The following KIAA0825 variants were observed in gnomAD, a reference collection of about 807,000 sequenced individuals.
KIAA0825 encodes the protein KIAA0825, also known as uncharacterized protein KIAA0825.
In KIAA0825, 119 loss-of-function variants were observed where a neutral mutation model predicts 147.6. The observed-to-expected ratio is 0.81, with a 90% confidence interval of 0.69 to 0.94. KIAA0825 has a LOEUF of 0.94. Ranked by LOEUF, KIAA0825 falls within the 40% of genes least tolerant of loss-of-function variation. The probability of loss-of-function intolerance (pLI) is 0.00; values close to 1 mark genes in which losing one functional copy is unlikely to be tolerated. For synonymous variants in KIAA0825, 470 were observed against 518.1 expected (o/e 0.91, Z 1.26); for missense variants, 1,381 against 1,472.7 (o/e 0.94, Z 1.02).
chr5:94,364,790 G>C (rs1339041216), intron 20 of KIAA0825, among the ~76,000 whole-genome samples: 1 of 152,078 alleles, frequency 6.6e-6, no homozygotes, highest in African/African-American at 2.4e-5. Context: ...CCTCGGTAAG[G>C]TTTTCCTTTT....
chr5:94,590,620 A>C (rs1784178919), intron 1 of KIAA0825, among the ~76,000 whole-genome samples: 1 of 152,214 alleles, frequency 6.6e-6, no homozygotes, highest in Admixed American at 6.5e-5. Flanking sequence ...TTTCTTGTAA[A>C]ATCAATACAT....
chr5:94,562,059 G>A (rs2152293876), intron 2 of KIAA0825, among the ~76,000 whole-genome samples: 1 of 152,118 alleles, frequency 6.6e-6, no homozygotes, highest in South Asian at 2.1e-4. Flanking sequence ...ATTTAAATGT[G>A]ATACCTTAAA....
chr5:94,343,068 A>G (rs1483854716), intron 20 of KIAA0825, among the ~76,000 whole-genome samples: 2 of 152,192 alleles, frequency 1.3e-5, no homozygotes, highest in Non-Finnish European at 2.9e-5. Context: ...GCAGAAAACA[A>G]GAGAACAGTA....
chr5:94,486,265 C>T lies in KIAA0825; in HGVS notation c.971-1335G>A, dbSNP rs182867942. On this transcript the variant is annotated intron_variant, in intron 5 of 20. Coordinates refer to ENST00000682413, the MANE Select transcript of KIAA0825 (RefSeq NM_001145678.3). ...ACAAAATGCCTTTGGAGACAAAATA[C>T]AAGTGCTATTCAAAAACTGTATAGG... is the stretch of plus-strand genomic sequence containing the variant. 1.3e-3 allele frequency among the ~76,000 whole-genome samples: 194 copies of T among 152,050 alleles called. 9 individuals carry two copies. In the East Asian group the frequency reaches 0.025, roughly 19 times the overall value.
At chr5:94,345,941 C>T (rs868770448) in intron 20 of KIAA0825, among the ~76,000 whole-genome samples, 9 of 151,982 alleles carry the variant, frequency 5.9e-5, no homozygotes, top group East Asian at 3.9e-4. Flanking sequence ...CTGCATGCAC[C>T]GGTAATTAGA....
At chr5:94,260,996 A>G (rs957776959) in intron 20 of KIAA0825, among the ~76,000 whole-genome samples, 5 of 152,140 alleles carry the variant, frequency 3.3e-5, no homozygotes, top group African/African-American at 1.2e-4. Flanking sequence ...TGATAACAGC[A>G]AAATTCAGTT....
At chr5:94,352,679 T>C (rs1350934145) in intron 20 of KIAA0825, among the ~76,000 whole-genome samples, 1 of 152,158 alleles carries the variant, frequency 6.6e-6, no homozygotes, top group Non-Finnish European at 1.5e-5. Context: ...CAAATGCCCA[T>C]CAATCAATGA....
intron 13 of KIAA0825, among the ~76,000 whole-genome samples, chr5:94,446,666 G>A (rs1345829435): frequency 2.0e-5 from 3 of 152,178 alleles, no homozygotes; most frequent in East Asian, 1.9e-4. Flanking sequence ...GTGGGTAAGA[G>A]TTACATCTCT....
intron 1 of KIAA0825, among the ~76,000 whole-genome samples, chr5:94,596,577 A>G (rs567593018): frequency 6.6e-6 from 1 of 152,330 alleles, no homozygotes; most frequent in Non-Finnish European, 1.5e-5. Context: ...TTTGTTCCAT[A>G]GGAATTTTAA....
intron 20 of KIAA0825, among the ~76,000 whole-genome samples, chr5:94,287,375 T>A (rs1387173063): frequency 3.9e-5 from 6 of 152,196 alleles, no homozygotes; most frequent in Admixed American, 2.6e-4. Context: ...GCAAGCATCA[T>A]TTCCTGAATC....
At chr5:94,556,961 T>A (rs1295124730) in intron 2 of KIAA0825, among the ~76,000 whole-genome samples, 1 of 152,198 alleles carries the variant, frequency 6.6e-6, no homozygotes, top group Non-Finnish European at 1.5e-5. Context: ...TACTCCTTCC[T>A]TGAAATTGTC....
chr5:94,199,682 T>C (rs1771479008), intron 20 of KIAA0825, among the ~76,000 whole-genome samples: 1 of 151,922 alleles, frequency 6.6e-6, no homozygotes, highest in African/African-American at 2.4e-5. Flanking sequence ...TGCATACCAG[T>C]GTGGCAGCAC....
intron 5 of KIAA0825, 86 bp downstream of exon 5, chr5:94,520,162 A>T (rs1315696623): frequency 2.9e-6 from 4 of 1,376,260 alleles, no homozygotes; most frequent in African/African-American, 1.5e-5. Context: ...TTGCAGTGAG[A>T]TTTAACCAAA....
chr5:94,197,241 A>G (rs1771218779), intron 20 of KIAA0825, among the ~76,000 whole-genome samples: 2 of 152,092 alleles, frequency 1.3e-5, no homozygotes, highest in Non-Finnish European at 2.9e-5. Flanking sequence ...TTTTTTTCAC[A>G]TGCTTGTTGG....
At chr5:94,290,141 A>G (rs1057342495) in intron 20 of KIAA0825, among the ~76,000 whole-genome samples, 1 of 151,926 alleles carries the variant, frequency 6.6e-6, no homozygotes, top group Non-Finnish European at 1.5e-5. Context: ...GGTAGAAAAA[A>G]TTGTTTATTA....
At chr5:94,299,712 A>C (rs1778300278) in intron 20 of KIAA0825, among the ~76,000 whole-genome samples, 1 of 152,176 alleles carries the variant, frequency 6.6e-6, no homozygotes, top group Non-Finnish European at 1.5e-5. Context: ...TAATTATAGA[A>C]GTTTAAATGG....
Position 94,356,412 on chromosome 5 carries a change from C to G in KIAA0825, c.3710+27956G>C, listed in dbSNP as rs569079286. Among the ~76,000 whole-genome samples the G allele has an allele frequency of 1.9e-3, 292 of 151,816 alleles. 1 individual carries two copies. Among genetic ancestry groups the G allele is most frequent in the African/African-American group, 7.0e-3 (288 of 41,420 alleles). Reference sequence around the variant, plus strand: ...CACGAGGTCAGGAGATCGAGACCCTCCTGGCTAACATGGTGAAACCCCGTC... The same window carrying G: ...CACGAGGTCAGGAGATCGAGACCCTGCTGGCTAACATGGTGAAACCCCGTC... On this transcript the variant is annotated intron_variant, in intron 20 of 20. Transcript: ENST00000682413.
At chr5:94,326,399 G>A (rs1199596498) in intron 20 of KIAA0825, among the ~76,000 whole-genome samples, 3 of 152,170 alleles carry the variant, frequency 2.0e-5, no homozygotes, top group Admixed American at 2.0e-4. Flanking sequence ...AGCATTTAAT[G>A]TGATAGCTAA....
chr5:94,431,726 A>T (rs1351070250), intron 14 of KIAA0825, among the ~76,000 whole-genome samples: 1 of 152,250 alleles, frequency 6.6e-6, no homozygotes, highest in African/African-American at 2.4e-5. Flanking sequence ...ATATGGGACA[A>T]TTGAAAAGGC....
Sources: gnomAD v4.1 joint callset for allele counts (sites outside exome capture counted in the v4.1 genomes callset) on GRCh38, gnomAD v4.1.1 for gene constraint, MANE v1.5 for transcripts, NCBI Gene and HGNC (gene_info 2026-07-23, HGNC 2026-07-21) for gene names.